The following RAB17 variants were observed in gnomAD, a reference collection of about 807,000 sequenced individuals.
The protein encoded by RAB17 is RAB17, member RAS oncogene family.
A neutral mutation model predicts 19.3 loss-of-function variants in RAB17; 15 were observed. The ratio of observed to expected loss-of-function variants is 0.78; its 90% CI spans 0.52 to 1.20. The LOEUF (loss-of-function observed/expected upper bound fraction) is 1.20. Among genes scored for constraint, RAB17 ranks in the 50% most tolerant of loss-of-function variants. RAB17 has a pLI of 0.00. For missense variants in RAB17, 262 were observed against 269.3 expected (o/e 0.97, Z 0.19); for synonymous variants, 110 against 112.8 (o/e 0.97, Z 0.16).
chr2:237,586,773 C>T (rs141067489), intron 1 of RAB17, among the ~76,000 whole-genome samples: 103 of 152,276 alleles, frequency 6.8e-4, no homozygotes, highest in African/African-American at 2.4e-3. Context: ...CTTTCATGTA[C>T]ACACCACAAT....
chr2:237,585,945 A>G (rs2081346481), intron 2 of RAB17, 53 bp downstream of exon 2: 3 of 1,501,294 alleles, frequency 2.0e-6, no homozygotes, highest in Non-Finnish European at 2.7e-6. Context: ...GTGGGTCAGC[A>G]GCCCAGACTT....
chr2:237,588,198 T>G (rs190491140), intron 1 of RAB17, among the ~76,000 whole-genome samples: 1 of 151,578 alleles, frequency 6.6e-6, no homozygotes, highest in East Asian at 1.9e-4. Flanking sequence ...TCTGCCCTCG[T>G]TAATCCACGC....
At chr2:237,586,576 G>A (rs1477116402) in intron 1 of RAB17, among the ~76,000 whole-genome samples, 1 of 152,088 alleles carries the variant, frequency 6.6e-6, no homozygotes, top group Non-Finnish European at 1.5e-5. Flanking sequence ...GTTGTTCATG[G>A]ATTAAAGTTG....
chr2:237,578,474 C>T (rs1211564115), intron 2 of RAB17: 2 of 218,604 alleles, frequency 9.1e-6, no homozygotes, highest in Non-Finnish European at 1.8e-5. Context: ...ACTGGGAGTC[C>T]GATGCATCCC....
chr2:237,580,931 A>G (rs2081303509), intron 2 of RAB17, among the ~76,000 whole-genome samples: 1 of 152,240 alleles, frequency 6.6e-6, no homozygotes, highest in Non-Finnish European at 1.5e-5. Flanking sequence ...GCAGAGATGT[A>G]AGGCCCTCAG....
chr2:237,580,315 A>G (rs532368021), intron 2 of RAB17, among the ~76,000 whole-genome samples: 1 of 152,312 alleles, frequency 6.6e-6, no homozygotes, highest in Non-Finnish European at 1.5e-5. Flanking sequence ...CATCACTTCA[A>G]ATCACATTTC....
intron 1 of RAB17, among the ~76,000 whole-genome samples, chr2:237,587,608 G>C (rs780163421): frequency 6.6e-6 from 1 of 152,148 alleles, no homozygotes; most frequent in South Asian, 2.1e-4. Context: ...CAAGAAGATC[G>C]TTCTAGAGAG....
At chr2:237,588,232 G>A (rs1261084172) in intron 1 of RAB17, among the ~76,000 whole-genome samples, 6 of 149,120 alleles carry the variant, frequency 4.0e-5, no homozygotes, top group South Asian at 2.1e-4. Context: ...ACACTGCTGC[G>A]TCTTGCACAT....
At chr2:237,578,368 G>A in intron 2 of RAB17, 1 of 499,278 alleles carries the variant, frequency 2.0e-6, no homozygotes, top group Admixed American at 3.4e-5. Context: ...TGATTGCTAT[G>A]GGGCCTTTGG....
At chr2:237,587,111 T>A (rs1353103111) in intron 1 of RAB17, among the ~76,000 whole-genome samples, 4 of 152,250 alleles carry the variant, frequency 2.6e-5, no homozygotes, top group Non-Finnish European at 5.9e-5. Flanking sequence ...ATACAGGCTA[T>A]TTTTTGGCAA....
chr2:237,576,348 C>T (rs2081262903), intron 4 of RAB17, among the ~76,000 whole-genome samples: 2 of 152,154 alleles, frequency 1.3e-5, no homozygotes, highest in Admixed American at 6.5e-5. Context: ...TGAGTAACCT[C>T]GTGCCCATGT....
chr2:237,577,775 C>A, intron 3 of RAB17: 1 of 542,358 alleles, frequency 1.8e-6, no homozygotes, highest in South Asian at 2.6e-5. Context: ...GCACCAGGAA[C>A]TACTGAGTGG....
At chr2:237,586,525 A>G (rs1463864264) in intron 1 of RAB17, among the ~76,000 whole-genome samples, 1 of 152,146 alleles carries the variant, frequency 6.6e-6, no homozygotes. Flanking sequence ...AAAGTATCTA[A>G]TGCAAGGAGA....
intron 2 of RAB17, among the ~76,000 whole-genome samples, chr2:237,584,347 T>C (rs558380975): frequency 6.6e-6 from 1 of 152,178 alleles, no homozygotes; most frequent in South Asian, 2.1e-4. Context: ...GTGAGTGCCT[T>C]TGGGCGCTGG....
chr2:237,586,238 C>T, intron 1 of RAB17, 81 bp from the exon 2 acceptor site: 1 of 1,464,822 alleles, frequency 6.8e-7, no homozygotes, highest in Non-Finnish European at 9.1e-7. Context: ...GGGGCTGCTT[C>T]TCGGTCAGGA....
At chr2:237,580,033 T>C (rs1005956960) in intron 2 of RAB17, among the ~76,000 whole-genome samples, 2 of 152,178 alleles carry the variant, frequency 1.3e-5, no homozygotes, top group African/African-American at 4.8e-5. Context: ...GATGCTCCAC[T>C]GGATTGACAA....
chr2:237,577,150 C>A (rs534410098), intron 4 of RAB17, 107 bp downstream of exon 4: 1 of 1,344,586 alleles, frequency 7.4e-7, no homozygotes, highest in Non-Finnish European at 1.0e-6. Context: ...TAAGTGTGTG[C>A]GTGTGTGGGT....
intron 2 of RAB17, among the ~76,000 whole-genome samples, chr2:237,584,896 G>A (rs1331112857): frequency 6.6e-6 from 1 of 152,158 alleles, no homozygotes. Flanking sequence ...CACACCACAG[G>A]GTAACCTTGA....
At chr2:237,575,287 G>GACATTCTATGGGATACCACGTC in intron 5 of RAB17, 100 bp downstream of exon 5, 1 of 1,106,048 alleles carries the variant, frequency 9.0e-7, no homozygotes, top group South Asian at 1.4e-5. Context: ...AGTCCCTAAA[G>GACATTCTATGGGATACCACGTC]ACATTCTATG....
Sources: allele counts gnomAD v4.1 joint callset (sites outside exome capture counted in the v4.1 genomes callset), GRCh38; gene constraint gnomAD v4.1.1; transcripts MANE v1.5; gene names NCBI Gene and HGNC (gene_info 2026-07-23, HGNC 2026-07-21).